WAC: variants seen among roughly 807,000 people sequenced by gnomAD.
The protein encoded by WAC is WW domain-containing adapter protein with coiled-coil.
A neutral mutation model predicts 79.6 loss-of-function variants in WAC; 11 were observed. The ratio of observed to expected loss-of-function variants is 0.14; its 90% CI spans 0.09 to 0.23. WAC has a LOEUF of 0.23. Ranked by LOEUF, WAC falls within the 10% of genes least tolerant of loss-of-function variation. The pLI is 1.00. For missense variants in WAC, 728 were observed against 773.5 expected, an observed-to-expected ratio of 0.94 and a Z score of 0.70; for synonymous variants, 304 against 276.9, an observed-to-expected ratio of 1.10 and a Z score of -0.97.
At chr10:28,554,532 A>C (rs188899703) in intron 3 of WAC, among the ~76,000 whole-genome samples, 1 of 152,006 alleles carries the variant, frequency 6.6e-6, no homozygotes, top group Admixed American at 6.6e-5. Context: ...CTTATCCCCA[A>C]TATCCACGAA....
Position 28,619,523 on chromosome 10 carries a change from C to G in WAC, c.1875-14C>G. 7.5e-7 allele frequency: 1 copy of G among 1,336,250 alleles called. No individual in the cohort carries two copies. Among genetic ancestry groups the G allele is most frequent in the Non-Finnish European group, 1.0e-6 (1 of 993,592 alleles). 82.8% of individuals were successfully genotyped at this position (1,336,250 alleles called of 1,614,324 possible). On this transcript the variant is annotated splice_polypyrimidine_tract_variant and intron_variant, in intron 13 of 13. Coordinates refer to ENST00000354911, the MANE Select transcript of WAC (RefSeq NM_016628.5). ...ATATGTACACAGGTTCTAATGTCTG[C>G]TTTTTTTTTTCAGGATACTATTTTT...
intron 3 of WAC, among the ~76,000 whole-genome samples, chr10:28,573,840 AC>A (rs1451449324): frequency 6.6e-6 from 1 of 152,018 alleles, no homozygotes; most frequent in African/African-American, 2.4e-5. Flanking sequence ...TCACTTACAA[AC>A]CCTTTAACTG....
chr10:28,617,593 T>G, intron 12 of WAC, 64 bp from the exon 13 acceptor site: 2 of 1,399,872 alleles, frequency 1.4e-6, no homozygotes, highest in Non-Finnish European at 1.9e-6. Flanking sequence ...CTCAGAAATT[T>G]AATGTTTTAT....
rs567513008 is a variant in WAC at position 28,586,763 on chromosome 10, T to C, written c.382-2973T>C. 3.5e-4 allele frequency among the ~76,000 whole-genome samples: 53 copies of C among 152,290 alleles called. No individual in the cohort carries two copies. In the East Asian group the frequency reaches 6.8e-3, roughly 19 times the overall value. On this transcript the variant is annotated intron_variant, in intron 4 of 13. Coordinates refer to ENST00000354911, the MANE Select transcript of WAC (RefSeq NM_016628.5). ...GATTATTTTAGATTAGTTGTGCATA[T>C]TTGATTTTTCAAAGGGGGCTCTGAA...
chr10:28,586,645 G>T (rs566602609), intron 4 of WAC, among the ~76,000 whole-genome samples: 2 of 151,944 alleles, frequency 1.3e-5, no homozygotes, highest in African/African-American at 4.8e-5. Context: ...CTATGGTTGC[G>T]CCACTGCACC....
chr10:28,539,573 T>A (rs1223655879), intron 3 of WAC, among the ~76,000 whole-genome samples: 1 of 4,198 alleles, frequency 2.4e-4, no homozygotes, highest in African/African-American at 1.3e-3. Flanking sequence ...TGTTTTTTGG[T>A]TTTTTTTTTT....
chr10:28,576,254 ACT>A (rs1839239461), intron 3 of WAC, among the ~76,000 whole-genome samples: 1 of 152,170 alleles, frequency 6.6e-6, no homozygotes, highest in Non-Finnish European at 1.5e-5. Flanking sequence ...ATTTTCACAA[ACT>A]CTTTGTAGCA....
intron 3 of WAC, among the ~76,000 whole-genome samples, chr10:28,580,845 A>T (rs1839495928): frequency 6.6e-6 from 1 of 152,154 alleles, no homozygotes; most frequent in Non-Finnish European, 1.5e-5. Flanking sequence ...GGGATCCTAA[A>T]ACCATTTGTG....
In WAC at chr10:28,616,449, G is replaced by A. The variant is rs1841471765; in HGVS notation, c.1746+87G>A. 4 of 1,051,952 alleles carry A rather than the reference G, an allele frequency of 3.8e-6. No homozygotes were observed. In the African/African-American group the frequency reaches 6.4e-5, roughly 17 times the overall value. 65.2% of individuals were successfully genotyped at this position (1,051,952 alleles called of 1,614,324 possible). ...TTCTAGAGAATCTAATGTGACCACT[G>A]AATTCAAGCAATATTTAAAATAATG... On this transcript the variant is annotated intron_variant, in intron 12 of 13. Coordinates refer to ENST00000354911, the MANE Select transcript of WAC (RefSeq NM_016628.5).
chr10:28,541,266 G>T (rs1328132492), intron 3 of WAC, among the ~76,000 whole-genome samples: 1 of 151,946 alleles, frequency 6.6e-6, no homozygotes, highest in Non-Finnish European at 1.5e-5. Flanking sequence ...AGAATTGTTT[G>T]GGGGGTAGTG....
chr10:28,595,390 T>A (rs967454000), intron 6 of WAC, among the ~76,000 whole-genome samples: 1 of 151,848 alleles, frequency 6.6e-6, no homozygotes, highest in African/African-American at 2.4e-5. Flanking sequence ...TTTTTTAAAA[T>A]TTTATAAGAT....
intron 3 of WAC, among the ~76,000 whole-genome samples, chr10:28,540,042 A>G (rs1424652434): frequency 6.6e-6 from 1 of 152,222 alleles, no homozygotes; most frequent in African/African-American, 2.4e-5. Context: ...CACATTGAAT[A>G]ATAGACTGGC....
intron 3 of WAC, among the ~76,000 whole-genome samples, chr10:28,555,163 A>G (rs781514903): frequency 4.0e-5 from 6 of 151,048 alleles, no homozygotes; most frequent in Non-Finnish European, 8.8e-5. Flanking sequence ...CCAACCTTCT[A>G]CTCTTCAGTA....
intron 3 of WAC, among the ~76,000 whole-genome samples, chr10:28,536,961 C>T (rs1311411859): frequency 6.6e-6 from 1 of 152,118 alleles, no homozygotes; most frequent in African/African-American, 2.4e-5. Flanking sequence ...ACTTGGCTTA[C>T]TTTAAAAAAA....
chr10:28,539,906 T>C (rs1392407386), intron 3 of WAC, among the ~76,000 whole-genome samples: 1 of 152,148 alleles, frequency 6.6e-6, no homozygotes, highest in East Asian at 1.9e-4. Context: ...TTGGAAAAAT[T>C]TGGAAATGTA....
At chr10:28,606,055 G>T (rs1239450435) in intron 7 of WAC, among the ~76,000 whole-genome samples, 1 of 145,648 alleles carries the variant, frequency 6.9e-6, no homozygotes. Context: ...CAGTTTTTTG[G>T]TTTTTTTTTT....
Position 28,619,709 on chromosome 10 carries a change from C to A in WAC, c.*103C>A. 1 of 918,018 alleles carries A rather than the reference C, an allele frequency of 1.1e-6. No individual in the cohort carries two copies. Among genetic ancestry groups the A allele is most frequent in the Non-Finnish European group, 1.6e-6 (1 of 632,378 alleles). The allele number at this position is 918,018 out of a possible 1,614,324, so 56.9% of individuals were successfully genotyped here. ...TTTAAGTAGACTTTGGACCGTTAAG[C>A]TGGGCAAAGGAAATGACAAGGGGAC... is the stretch of plus-strand genomic sequence containing the variant. On this transcript the variant is annotated 3_prime_UTR_variant, in exon 14 of 14. Coordinates refer to ENST00000354911, the MANE Select transcript of WAC (RefSeq NM_016628.5).
At chr10:28,609,376 A>G (rs1180927281) in intron 8 of WAC, among the ~76,000 whole-genome samples, 1 of 152,238 alleles carries the variant, frequency 6.6e-6, no homozygotes, top group African/African-American at 2.4e-5. Flanking sequence ...ATAAATAAAA[A>G]TAAAGTGATC....
intron 3 of WAC, among the ~76,000 whole-genome samples, chr10:28,538,037 C>T (rs1458517524): frequency 1.3e-5 from 2 of 152,026 alleles, no homozygotes; most frequent in East Asian, 1.9e-4. Flanking sequence ...TGCCATATTC[C>T]TTTATATTAT....
Sources: gnomAD v4.1 joint callset for allele counts (sites outside exome capture counted in the v4.1 genomes callset) on GRCh38, gnomAD v4.1.1 for gene constraint, MANE v1.5 for transcripts, NCBI Gene and HGNC (gene_info 2026-07-23, HGNC 2026-07-21) for gene names.